Variants in GRID2 observed in about 807,000 individuals in gnomAD.
The protein encoded by GRID2 is glutamate receptor ionotropic, delta-2.
Under a neutral mutation model 114.8 loss-of-function variants are expected in GRID2, and 33 were observed. The ratio of observed to expected loss-of-function variants is 0.29; its 90% confidence interval spans 0.22 to 0.38. The LOEUF (loss-of-function observed/expected upper bound fraction) is 0.38, where lower values mean the gene tolerates loss of function less well. Ranked by LOEUF, GRID2 falls within the 10% of genes least tolerant of loss-of-function variation. The pLI, the probability that GRID2 is intolerant of heterozygous loss-of-function variation, is 1.00. For synonymous variants in GRID2, 505 were observed against 449.9 expected, an observed-to-expected ratio of 1.12 and a Z score of -1.55; for missense variants, 1,184 against 1,257.7, an observed-to-expected ratio of 0.94 and a Z score of 0.89.
chr4:93,078,602 A>T (rs1729551971), intron 2 of GRID2, among the ~76,000 whole-genome samples: 2 of 149,558 alleles, frequency 1.3e-5, no homozygotes. Context: ...ATCGGGAGCT[A>T]TGAAATCTAT....
intron 8 of GRID2, among the ~76,000 whole-genome samples, chr4:93,341,821 A>AC (rs1469358564): frequency 6.6e-6 from 1 of 152,086 alleles, no homozygotes; most frequent in Non-Finnish European, 1.5e-5. Flanking sequence ...GAGATATTGA[A>AC]CTGGGTGAAA....
At chr4:93,248,745 C>T (rs1283237799) in intron 8 of GRID2, among the ~76,000 whole-genome samples, 1 of 152,096 alleles carries the variant, frequency 6.6e-6, no homozygotes, top group Non-Finnish European at 1.5e-5. Context: ...AGGGGGGTGA[C>T]TCTCATTCAA....
chr4:93,081,487 C>G (rs925051973), intron 2 of GRID2, among the ~76,000 whole-genome samples: 2 of 152,018 alleles, frequency 1.3e-5, no homozygotes, highest in Non-Finnish European at 2.9e-5. Flanking sequence ...CCACAAAGGG[C>G]AAAAGTGTTG....
chr4:93,371,801 G>A lies in GRID2; in HGVS notation c.1246-23806G>A, dbSNP rs182499855. On this transcript the variant is annotated intron_variant, in intron 8 of 15. Transcript: ENST00000282020. Reference sequence around the variant, plus strand: ...CTTGCTGTGTTGCCCAGGCTGGAGCGCAGTGGCATGATCTTGGCTCACTGC... The same window carrying A: ...CTTGCTGTGTTGCCCAGGCTGGAGCACAGTGGCATGATCTTGGCTCACTGC... Among the ~76,000 whole-genome samples, 699 of 137,838 alleles carry A rather than the reference G, an allele frequency of 5.1e-3. 8 individuals are homozygous for A. The highest frequency in any genetic ancestry group is 0.018 in the African/African-American group (664 of 36,160). 90.4% of individuals were successfully genotyped at this position (137,838 alleles called of 152,430 possible).
chr4:92,473,181 T>C (rs1331590815), intron 1 of GRID2, among the ~76,000 whole-genome samples: 1 of 152,098 alleles, frequency 6.6e-6, no homozygotes, highest in Non-Finnish European at 1.5e-5. Context: ...TTCACACCTT[T>C]ATCAAAAATC....
At chr4:93,226,214 G>A (rs1745467880) in intron 7 of GRID2, among the ~76,000 whole-genome samples, 1 of 152,042 alleles carries the variant, frequency 6.6e-6, no homozygotes, top group Non-Finnish European at 1.5e-5. Context: ...ACTTGTTTCA[G>A]CATTAACTCA....
intron 14 of GRID2, among the ~76,000 whole-genome samples, chr4:93,668,135 G>C (rs2149747672): frequency 6.6e-6 from 1 of 152,030 alleles, no homozygotes; most frequent in South Asian, 2.1e-4. Context: ...TTAGTTTTCT[G>C]TTACTGTCAG....
chr4:92,540,422 T>A (rs1245858273), intron 1 of GRID2, among the ~76,000 whole-genome samples: 2 of 152,114 alleles, frequency 1.3e-5, no homozygotes, highest in Non-Finnish European at 2.9e-5. Context: ...ATATCCAGAA[T>A]CTACATAGAA....
rs1307892624 is a variant in GRID2, at chr4:92,908,510, C to T, written c.245-176485C>T. ...CTGGGAGGCGGAGCTTGCAGTGAGT[C>T]GACATCGTGCCACTGCACTCCAGTC... On this transcript the variant is annotated intron_variant, in intron 2 of 15. Coordinates refer to ENST00000282020, the MANE Select transcript of GRID2 (RefSeq NM_001510.4). 4.8e-5 allele frequency among the ~76,000 whole-genome samples: 7 copies of T among 145,672 alleles called. No individual in the cohort carries two copies. In the Admixed American group the frequency reaches 4.9e-4, roughly 10 times the overall value.
chr4:93,548,765 A>AT (rs1168124310), intron 13 of GRID2, among the ~76,000 whole-genome samples: 11 of 152,182 alleles, frequency 7.2e-5, no homozygotes, highest in Non-Finnish European at 1.3e-4. Flanking sequence ...CAGTATGCCC[A>AT]TTTTGTGGCA....
chr4:93,390,272 A>G (rs1267754418), intron 8 of GRID2, among the ~76,000 whole-genome samples: 1 of 152,204 alleles, frequency 6.6e-6, no homozygotes, highest in Non-Finnish European at 1.5e-5. Flanking sequence ...AAATATTCTA[A>G]TAGTCAACAA....
chr4:92,425,491 G>T (rs1402822772), intron 1 of GRID2, among the ~76,000 whole-genome samples: 1 of 152,038 alleles, frequency 6.6e-6, no homozygotes, highest in Non-Finnish European at 1.5e-5. Flanking sequence ...TTATACTTTA[G>T]CTGGATATTT....
At chr4:92,830,681 G>T (rs1378116803) in intron 2 of GRID2, among the ~76,000 whole-genome samples, 1 of 152,114 alleles carries the variant, frequency 6.6e-6, no homozygotes, top group Non-Finnish European at 1.5e-5. Flanking sequence ...AAGTTCTGTT[G>T]AGTTTACTAA....
chr4:93,510,559 G>A (rs1158679652), intron 12 of GRID2, among the ~76,000 whole-genome samples: 1 of 152,110 alleles, frequency 6.6e-6, no homozygotes, highest in East Asian at 1.9e-4. Context: ...ATGTCCCAGA[G>A]AGTTTGCTAT....
intron 14 of GRID2, among the ~76,000 whole-genome samples, chr4:93,664,044 C>T (rs1436559377): frequency 1.3e-5 from 2 of 152,040 alleles, no homozygotes; most frequent in Admixed American, 1.3e-4. Flanking sequence ...ATACAGTGGT[C>T]AAGGATAAAC....
intron 13 of GRID2, among the ~76,000 whole-genome samples, chr4:93,609,355 G>C (rs1370157028): frequency 1.1e-5 from 1 of 86,992 alleles, no homozygotes; most frequent in South Asian, 3.3e-4. Context: ...TGTTGCCATT[G>C]CTTTTGGTGT....
intron 2 of GRID2, among the ~76,000 whole-genome samples, chr4:92,672,519 T>A (rs965502188): frequency 6.6e-6 from 1 of 152,138 alleles, no homozygotes; most frequent in Non-Finnish European, 1.5e-5. Flanking sequence ...ATTTCTGGTG[T>A]ATAGCTAATA....
chr4:93,296,391 C>A (rs1754316957), intron 8 of GRID2, among the ~76,000 whole-genome samples: 1 of 137,314 alleles, frequency 7.3e-6, no homozygotes, highest in Non-Finnish European at 1.5e-5. Flanking sequence ...TGAAAGATAA[C>A]TTATGGTTCC....
chr4:93,185,854 G>A lies in GRID2; in HGVS notation c.736-21550G>A, dbSNP rs1740356251. Among the ~76,000 whole-genome samples the A allele has an allele frequency of 2.0e-5, 3 of 152,032 alleles. No homozygotes were observed. The South Asian group carries it at 6.2e-4, about 32-fold the overall frequency. On this transcript the variant is annotated intron_variant, in intron 4 of 15. Transcript: ENST00000282020. ...GTTGGTTTGCTGCACCCATTAACTT[G>A]TCATTTACATTAGGCATTTATTCTA...
Sources: gnomAD v4.1 joint callset for allele counts (sites outside exome capture counted in the v4.1 genomes callset) on GRCh38, gnomAD v4.1.1 for gene constraint, MANE v1.5 for transcripts, NCBI Gene and HGNC (gene_info 2026-07-23, HGNC 2026-07-21) for gene names.